The following ADCY3 variants were observed in gnomAD, a reference collection of about 807,000 sequenced individuals.
ADCY3 encodes the protein adenylate cyclase 3.
In ADCY3, 70 loss-of-function variants were observed where a neutral mutation model predicts 119.4. The observed-to-expected ratio is 0.59, with a 90% CI of 0.48 to 0.72. The LOEUF is 0.72. Among genes scored for constraint, ADCY3 ranks in the 30% least tolerant of loss-of-function variants. The pLI is 0.00. For missense variants in ADCY3, 1,238 were observed against 1,541.6 expected, an observed-to-expected ratio of 0.80 and a Z score of 3.30; for synonymous variants, 672 against 621.4, an observed-to-expected ratio of 1.08 and a Z score of -1.21.
chr2:24,827,991 C>T lies in ADCY3; in HGVS notation c.2343G>A (p.Leu781=). 6.2e-7 allele frequency: 1 copy of T among 1,614,248 alleles called. No individual in the cohort carries two copies. The highest frequency in any genetic ancestry group is 8.5e-7 in the Non-Finnish European group (1 of 1,180,046). Residue 781 remains leucine, a synonymous_variant, in exon 14 of 22, where the codon CTG becomes CTA. Coordinates refer to ENST00000679454, the MANE Select transcript of ADCY3 (RefSeq NM_004036.5). ...VSHMVKLTLM[L]LVAGAVATIN... ...TGGTGGCCACGGCGCCTGCGACGAG[C>T]AGCATGAGCGTGAGCTTCACCATGT...
Position 24,836,928 on chromosome 2 carries a change from G to A in ADCY3, c.1651C>T (p.Gln551Ter). ...SGSTSEKPEE[Q>*]DAQADNPSFP... Reference sequence around the variant, plus strand: ...AGCCCTGCACATACCTGGGCATCCTGCTCCTCGGGCTTCTCCGACGTGGAC... The same window carrying A: ...AGCCCTGCACATACCTGGGCATCCTACTCCTCGGGCTTCTCCGACGTGGAC... The change falls in exon 9 of 22, where the codon CAG (glutamine) becomes TAG (stop). Residue 551 changes from glutamine to a stop codon, truncating the protein, a stop_gained. Transcript: ENST00000679454. LOFTEE classifies it high-confidence loss of function. 1 of 1,612,782 alleles carries A rather than the reference G, an allele frequency of 6.2e-7. No homozygotes were observed. Among genetic ancestry groups the A allele is most frequent in the Non-Finnish European group, 8.5e-7 (1 of 1,179,822 alleles).
At chr2:24,822,408 C>T (rs1031390352) in intron 19 of ADCY3, 103 bp downstream of exon 19, 2 of 1,498,324 alleles carry the variant, frequency 1.3e-6, no homozygotes, top group African/African-American at 2.8e-5. Flanking sequence ...GTGTCTGGGA[C>T]CACTTTGCAC....
chr2:24,861,553 T>C (rs975530214), intron 3 of ADCY3, among the ~76,000 whole-genome samples: 1 of 152,146 alleles, frequency 6.6e-6, no homozygotes, highest in African/African-American at 2.4e-5. Flanking sequence ...AAAGTGTTTT[T>C]CCATCTATTA....
chr2:24,894,897 C>T (rs751725126), intron 2 of ADCY3, among the ~76,000 whole-genome samples: 3 of 151,982 alleles, frequency 2.0e-5, no homozygotes, highest in Non-Finnish European at 2.9e-5. Context: ...TCTAGATTGA[C>T]CTACTTTCTT....
intron 2 of ADCY3, among the ~76,000 whole-genome samples, chr2:24,912,936 A>G (rs1024321864): frequency 1.3e-5 from 2 of 152,176 alleles, no homozygotes; most frequent in African/African-American, 4.8e-5. Flanking sequence ...TACATGTTCA[A>G]TGACTGATTA....
rs957662399 is a variant in ADCY3 at position 24,918,322 on chromosome 2, C to T, written c.666G>A (p.Leu222=). 2.6e-5 allele frequency: 40 copies of T among 1,564,568 alleles called. No homozygotes were observed. The highest frequency in any genetic ancestry group is 3.4e-5 in the Non-Finnish European group (39 of 1,154,292). Reference sequence around the variant, plus strand: ...AGTGGGCAGGACTCACCTCCCGCAGCAGCTGCATCCCCTTGAGCTCCTCCT... The same window carrying T: ...AGTGGGCAGGACTCACCTCCCGCAGTAGCTGCATCCCCTTGAGCTCCTCCT... ...QQQEELKGMQ[L]LREILANVFL... Residue 222 remains leucine (L), a synonymous_variant, in exon 2 of 22, where the codon CTG becomes CTA. Transcript: ENST00000679454. The surrounding 1 kb of genome is among the most constrained non-coding windows in gnomAD (Gnocchi z 5.4).
At chr2:24,917,191 G>A (rs1002918685) in intron 2 of ADCY3, among the ~76,000 whole-genome samples, 1 of 152,200 alleles carries the variant, frequency 6.6e-6, no homozygotes, top group Admixed American at 6.5e-5. Flanking sequence ...GACCTCCATG[G>A]CTGCTAGAGG....
rs985847889 is a variant in ADCY3 at position 24,819,720 on chromosome 2, CTAAGACCCCTATGCT to C, written c.*197_*211del. ...CTGGAAGGACTGTTCAGCCCTATGCCTAAGACCCCTATGCTGGGGACACTACAGGCACACACAGGA... is the reference window on the plus strand; with the variant it reads ...CTGGAAGGACTGTTCAGCCCTATGCCGGGGACACTACAGGCACACACAGGA... On this transcript the variant is annotated 3_prime_UTR_variant, in exon 22 of 22. Transcript: ENST00000679454. 26 of 568,354 alleles carry C rather than the reference CTAAGACCCCTATGCT, an allele frequency of 4.6e-5. No individual in the cohort carries two copies. In the African/African-American group the frequency reaches 5.0e-4, roughly 11 times the overall value. The allele number at this position is 568,354 out of a possible 1,614,324, so 35.2% of individuals were successfully genotyped here.
At chr2:24,830,984 G>T (rs1234720458) in intron 12 of ADCY3, among the ~76,000 whole-genome samples, 159 bp from the exon 13 acceptor site, 1 of 152,202 alleles carries the variant, frequency 6.6e-6, no homozygotes. Flanking sequence ...GGGCAGAGCT[G>T]AGAAGAGGGC....
At chr2:24,909,323 C>A (rs6722587) in intron 2 of ADCY3, among the ~76,000 whole-genome samples, 79,155 of 151,850 alleles carry the variant, frequency 0.52, 22,795 homozygotes, top group African/African-American at 0.78. Context: ...GCTTGTGCAC[C>A]TGCAAATCTC....
At chr2:24,824,322 A>G in intron 17 of ADCY3, 56 bp downstream of exon 17, 1 of 1,590,114 alleles carries the variant, frequency 6.3e-7, no homozygotes, top group Non-Finnish European at 8.6e-7. Context: ...GCCTGAAAGA[A>G]AGAACAGATG....
chr2:24,821,434 G>A, intron 20 of ADCY3, 83 bp downstream of exon 20: 3 of 1,564,646 alleles, frequency 1.9e-6, no homozygotes, highest in Non-Finnish European at 2.6e-6. Flanking sequence ...GTTGTCCTGA[G>A]CCTCATGTCT....
At position 24,872,577 on chromosome 2, in the gene ADCY3, T is replaced by C. The variant is rs761669842; in HGVS notation, c.818A>G (p.Gln273Arg). The change falls in exon 3 of 22, where the codon CAG (glutamine) becomes CGG (arginine). Residue 273 changes from glutamine to arginine, a missense_variant. Transcript: ENST00000679454. The surrounding 1 kb of genome is among the most constrained non-coding windows in gnomAD (Gnocchi z 4.4). ...GCCTCCCGAGAGCCTCACCTGCTGC[T>C]GGCTCTGCTCTTCCAGGTTCATCTT... ...EVKMNLEEQS[Q>R]QQENLMLSIL... 1.5e-5 allele frequency: 24 copies of C among 1,614,094 alleles called. No individual in the cohort carries two copies. The highest frequency in any genetic ancestry group is 1.9e-5 in the Non-Finnish European group (23 of 1,179,968).
intron 7 of ADCY3, 31 bp from the exon 8 acceptor site, chr2:24,838,653 C>G (rs371928105): frequency 1.2e-6 from 2 of 1,611,346 alleles, no homozygotes; most frequent in South Asian, 1.1e-5. Flanking sequence ...CCCTGAGCGT[C>G]GGCCAGAGGT....
intron 2 of ADCY3, among the ~76,000 whole-genome samples, chr2:24,900,474 T>C (rs1678778981): frequency 6.6e-6 from 1 of 152,104 alleles, no homozygotes. Flanking sequence ...CTTAAATGTA[T>C]AGCTACAGAA....
chr2:24,918,871 C>G lies in ADCY3; in HGVS notation c.117G>C (p.Ser39=), dbSNP rs911967193. The G allele has an allele frequency of 2.5e-6, 4 of 1,613,116 alleles. No individual in the cohort carries two copies. Among genetic ancestry groups the G allele is most frequent in the Non-Finnish European group, 3.4e-6 (4 of 1,180,002 alleles). The part of the protein sequence containing the change: ...DRGVGRTHEI[S]VRNSGSCLCL... The stretch of plus-strand genomic sequence containing the variant: ...ACAGGCAGGAGCCCGAGTTCCGGAC[C>G]GAGATTTCATGGGTCCGGCCCACCC... The change falls in exon 2 of 22, where the codon TCG becomes TCC. Residue 39 remains serine (S), a synonymous_variant. Transcript: ENST00000679454. This position sits in a 1 kb window ranked among gnomAD's most constrained non-coding sequence, Gnocchi z 5.4.
At chr2:24,820,147 T>C in intron 21 of ADCY3, 33 bp from the exon 22 acceptor site, 1 of 1,438,670 alleles carries the variant, frequency 7.0e-7, no homozygotes, top group Non-Finnish European at 9.3e-7. Flanking sequence ...AACGTGGCGT[T>C]ACGGGGGGAG....
chr2:24,867,798 TAATAAG>T (rs1221979752), intron 3 of ADCY3, among the ~76,000 whole-genome samples: 8 of 152,274 alleles, frequency 5.3e-5, no homozygotes, highest in East Asian at 1.9e-4. Flanking sequence ...TAAAGAATAT[TAATAAG>T]AATATTACAT....
intron 2 of ADCY3, among the ~76,000 whole-genome samples, chr2:24,881,501 C>A (rs1018246064): frequency 1.3e-5 from 2 of 152,202 alleles, no homozygotes; most frequent in African/African-American, 2.4e-5. Flanking sequence ...GCAAAGGAGA[C>A]CCCCCTACAG....
Sources: allele counts gnomAD v4.1 joint callset (sites outside exome capture counted in the v4.1 genomes callset), GRCh38; gene constraint gnomAD v4.1.1; non-coding constraint Gnocchi (gnomAD v3.1); transcripts MANE v1.5; gene names NCBI Gene and HGNC (gene_info 2026-07-23, HGNC 2026-07-21).